The following HIBCH variants were observed in gnomAD, a reference collection of about 807,000 sequenced individuals.
HIBCH encodes 3-hydroxyisobutyryl-CoA hydrolase, mitochondrial.
Under a neutral mutation model 58.2 loss-of-function variants are expected in HIBCH, and 50 were observed. The ratio of observed to expected loss-of-function variants is 0.86; its 90% CI spans 0.68 to 1.09. The LOEUF (loss-of-function observed/expected upper bound fraction) is 1.09, where lower values mean the gene tolerates loss of function less well. Among genes scored for constraint, HIBCH ranks in the 50% least tolerant of loss-of-function variants. HIBCH has a pLI of 0.00. For missense variants in HIBCH, 450 were observed against 449.7 expected (o/e 1.00, Z -0.01); for synonymous variants, 151 against 146.9 (o/e 1.03, Z -0.20).
At chr2:190,192,029 C>T (rs1163708823) in intron 1 of HIBCH, among the ~76,000 whole-genome samples, 1 of 151,670 alleles carries the variant, frequency 6.6e-6, no homozygotes, top group African/African-American at 2.4e-5. Flanking sequence ...CATCTAAGAA[C>T]TCTTTTCCTA....
At chr2:190,267,484 A>T (rs1424505918) in intron 6 of HIBCH, among the ~76,000 whole-genome samples, 1 of 152,146 alleles carries the variant, frequency 6.6e-6, no homozygotes, top group Non-Finnish European at 1.5e-5. Context: ...GGCATGAGTC[A>T]CCACACCCTG....
At chr2:190,203,835 C>A (rs980781388), downstream of HIBCH, 1 of 152,062 alleles carries the variant, frequency 6.6e-6, no homozygotes, top group African/African-American at 2.4e-5. Context: ...TCTTTAATGT[C>A]TTTTTCAGTT....
In HIBCH at chr2:190,236,914, C is replaced by T. The variant is rs1223926853; in HGVS notation, c.891+7973G>A. ...AGAAAACTGTTTTCTCTTCTGTCTA[C>T]ATAAACTGATGCATTTTCCCCTTTA... On this transcript the variant is annotated intron_variant, in intron 11 of 13. Transcript: ENST00000359678. This position sits in a 1 kb window ranked among gnomAD's most constrained non-coding sequence, Gnocchi z 4.1. Among the ~76,000 whole-genome samples, 3 of 152,116 alleles carry T rather than the reference C, an allele frequency of 2.0e-5. No individual in the cohort carries two copies. The highest frequency in any genetic ancestry group is 4.4e-5 in the Non-Finnish European group (3 of 68,006).
intron 4 of HIBCH, among the ~76,000 whole-genome samples, chr2:190,291,649 C>T (rs1033412474): frequency 6.6e-6 from 1 of 152,192 alleles, no homozygotes; most frequent in African/African-American, 2.4e-5. Context: ...GACATTGCTA[C>T]AGCATACCAC....
At chr2:190,242,073 T>C (rs1371921745) in intron 11 of HIBCH, among the ~76,000 whole-genome samples, 1 of 152,154 alleles carries the variant, frequency 6.6e-6, no homozygotes, top group Non-Finnish European at 1.5e-5. Context: ...CTTGACTCCA[T>C]TCTCCCGTCA....
downstream of HIBCH, chr2:190,199,620 G>T (rs757180903): frequency 5.7e-6 from 5 of 874,134 alleles, no homozygotes; most frequent in Non-Finnish European, 1.5e-6. Flanking sequence ...AGTGATGAAA[G>T]GATTTTTACA....
chr2:190,255,886 T>G (rs1183508748), intron 7 of HIBCH, among the ~76,000 whole-genome samples: 1 of 151,894 alleles, frequency 6.6e-6, no homozygotes, highest in Non-Finnish European at 1.5e-5. Context: ...GATTAGTCAG[T>G]TTTCACACTA....
chr2:190,261,847 C>A (rs1241150882), intron 6 of HIBCH, among the ~76,000 whole-genome samples: 1 of 152,122 alleles, frequency 6.6e-6, no homozygotes, highest in Non-Finnish European at 1.5e-5. Context: ...CCACTGCCTG[C>A]TCAATCACTG....
chr2:190,265,331 T>C (rs987659518), intron 6 of HIBCH, among the ~76,000 whole-genome samples: 12 of 152,104 alleles, frequency 7.9e-5, no homozygotes, highest in African/African-American at 2.7e-4. Context: ...AAGTTTTAAT[T>C]TGCATATCCT....
intron 1 of HIBCH, among the ~76,000 whole-genome samples, chr2:190,198,113 C>T (rs967057585): frequency 6.6e-6 from 1 of 152,126 alleles, no homozygotes; most frequent in Admixed American, 6.5e-5. Context: ...AAGTATGCAG[C>T]GTGAAGCAGG....
Position 190,192,715 on chromosome 2 carries a change from C to T in HIBCH, c.*18-2718G>A, listed in dbSNP as rs10190456. On this transcript the variant is annotated intron_variant, in intron 1 of 1. Coordinates refer to the HIBCH transcript ENST00000399855. ...AACATTTTGTATTTTTCACGTACAA[C>T]GTACACAATACAAAATGCAGTTTTC... 6.6e-3 allele frequency among the ~76,000 whole-genome samples: 1,000 copies of T among 152,190 alleles called. 11 individuals are homozygous for T. The highest frequency in any genetic ancestry group is 0.023 in the African/African-American group (948 of 41,526).
At chr2:190,203,725 G>A (rs1008477555), downstream of HIBCH, among the ~76,000 whole-genome samples, 35 of 152,054 alleles carry the variant, frequency 2.3e-4, no homozygotes, top group Non-Finnish European at 4.0e-4. Flanking sequence ...TTATTTGAAA[G>A]AAAAATGCTT....
intron 6 of HIBCH, among the ~76,000 whole-genome samples, chr2:190,267,409 C>T (rs1000971385): frequency 2.6e-5 from 4 of 151,946 alleles, no homozygotes; most frequent in South Asian, 2.1e-4. Context: ...GTTGGTCAGG[C>T]TTGTCTTGAA....
intron 1 of HIBCH, among the ~76,000 whole-genome samples, chr2:190,314,113 T>C (rs1384137915): frequency 1.3e-5 from 2 of 151,828 alleles, no homozygotes; most frequent in African/African-American, 4.8e-5. Flanking sequence ...TGCAGTGTTT[T>C]AACAAGTAAA....
chr2:190,276,867 T>C (rs2136567), intron 6 of HIBCH, among the ~76,000 whole-genome samples: 110,274 of 152,110 alleles, frequency 0.72, 40,465 homozygotes, highest in Non-Finnish European at 0.75. Context: ...TGCATTTGCA[T>C]AGTTAAATTC....
intron 4 of HIBCH, among the ~76,000 whole-genome samples, chr2:190,293,788 A>G (rs1053567018): frequency 6.6e-6 from 1 of 151,716 alleles, no homozygotes; most frequent in Non-Finnish European, 1.5e-5. Context: ...CAAAATGTAA[A>G]AAGTTTTCAA....
intron 6 of HIBCH, among the ~76,000 whole-genome samples, chr2:190,284,694 G>A (rs374301461): frequency 6.6e-6 from 1 of 152,054 alleles, no homozygotes. Context: ...TGTATATAAC[G>A]TATATCACTA....
chr2:190,299,652 A>G (rs534679103), intron 2 of HIBCH, among the ~76,000 whole-genome samples: 5 of 152,334 alleles, frequency 3.3e-5, no homozygotes, highest in East Asian at 1.9e-4. Flanking sequence ...AATGCTAGGA[A>G]ACAGTGTTAA....
At chr2:190,311,829 A>G (rs1688565590) in intron 1 of HIBCH, among the ~76,000 whole-genome samples, 2 of 152,218 alleles carry the variant, frequency 1.3e-5, no homozygotes, top group Admixed American at 1.3e-4. Context: ...CTACAAAACA[A>G]TAAACACAAC....
Sources: gnomAD v4.1 joint callset for allele counts (sites outside exome capture counted in the v4.1 genomes callset) on GRCh38, gnomAD v4.1.1 for gene constraint, Gnocchi (gnomAD v3.1) non-coding constraint, MANE v1.5 for transcripts, NCBI Gene and HGNC (gene_info 2026-07-23, HGNC 2026-07-21) for gene names.